CFAP58: variants seen among roughly 807,000 people sequenced by gnomAD.
CFAP58 encodes the protein cilia and flagella associated protein 58.
Under a neutral mutation model 119.5 loss-of-function variants are expected in CFAP58, and 88 were observed. That is an observed-to-expected ratio of 0.74 (90% CI 0.62 to 0.88). CFAP58 has a LOEUF of 0.88. Ranked by LOEUF, CFAP58 falls within the 40% of genes least tolerant of loss-of-function variation. The pLI is 0.00. For synonymous variants in CFAP58, 365 were observed against 366.3 expected (o/e 1.00, Z 0.04); for missense variants, 990 against 1,021.2 (o/e 0.97, Z 0.42).
intron 15 of CFAP58, among the ~76,000 whole-genome samples, chr10:104,422,533 G>T (rs1403147603): frequency 6.6e-6 from 1 of 152,160 alleles, no homozygotes; most frequent in African/African-American, 2.4e-5. Context: ...TTTCTGTTGG[G>T]TTCTCCTGGG....
At chr10:104,427,394 T>C (rs772006066) in intron 15 of CFAP58, among the ~76,000 whole-genome samples, 2 of 152,204 alleles carry the variant, frequency 1.3e-5, no homozygotes, top group Non-Finnish European at 2.9e-5. Context: ...GGCAAAAATA[T>C]CACAGAATAA....
chr10:104,358,565 C>G lies in CFAP58; in HGVS notation c.234C>G (p.Val78=). ...NAEIVVNSAK[V]ATALKLSQDD... is the part of the protein sequence containing the mutation. Reference sequence around the variant, plus strand: ...AGATTGTAGTGAATTCTGCGAAGGTCGCCACTGCCCTTAAGCTCTCTCAGG... The same window carrying G: ...AGATTGTAGTGAATTCTGCGAAGGTGGCCACTGCCCTTAAGCTCTCTCAGG... The change falls in exon 2 of 18, where the codon GTC becomes GTG. Residue 78 remains valine, a synonymous_variant. Coordinates refer to ENST00000369704, the MANE Select transcript of CFAP58 (RefSeq NM_001008723.2). 6.2e-7 allele frequency: 1 copy of G among 1,614,056 alleles called. No individual in the cohort carries two copies. Among genetic ancestry groups the G allele is most frequent in the Non-Finnish European group, 8.5e-7 (1 of 1,179,990 alleles).
At chr10:104,418,309 G>T (rs1360476637) in intron 15 of CFAP58, among the ~76,000 whole-genome samples, 1 of 152,240 alleles carries the variant, frequency 6.6e-6, no homozygotes, top group African/African-American at 2.4e-5. Flanking sequence ...AGCACTTTGG[G>T]AGGCCGAGGC....
intron 9 of CFAP58, among the ~76,000 whole-genome samples, chr10:104,389,096 A>G (rs2011983157): frequency 6.6e-6 from 1 of 152,186 alleles, no homozygotes; most frequent in Non-Finnish European, 1.5e-5. Flanking sequence ...TTTGGCTACT[A>G]CTTAACACCC....
At chr10:104,416,238 A>G (rs777394277) in intron 15 of CFAP58, among the ~76,000 whole-genome samples, 2 of 152,178 alleles carry the variant, frequency 1.3e-5, no homozygotes, top group Non-Finnish European at 2.9e-5. Context: ...ACACTACCTA[A>G]TGAACAGTGA....
In CFAP58 at chr10:104,402,360, G is replaced by A. The variant is rs562123185; in HGVS notation, c.2040-1369G>A. ...TAATTCTAAGCAGCTTGCTCTGAGC[G>A]CCCTGTTGAGTGAACATCATGCAGT... On this transcript the variant is annotated intron_variant, in intron 13 of 17. Transcript: ENST00000369704. Among the ~76,000 whole-genome samples the A allele has an allele frequency of 5.9e-5, 9 of 152,316 alleles. No individual in the cohort carries two copies. The East Asian group carries it at 1.2e-3, about 20-fold the overall frequency.
the CFAP58 span, among the ~76,000 whole-genome samples, chr10:104,348,686 G>T: frequency 6.6e-6 from 1 of 152,106 alleles, no homozygotes; most frequent in Non-Finnish European, 1.5e-5. Context: ...TCTTGCCTTG[G>T]TTTCTGCCCA....
rs748236137 is a variant in CFAP58 at position 104,454,412 on chromosome 10, T to A, written c.2511-10T>A. ...GTTAAGGAAGCTAACTTTCACCTCC[T>A]CTCTTACAGAAACAAGGACACAGCA... On this transcript the variant is annotated splice_polypyrimidine_tract_variant and intron_variant, in intron 17 of 17. Transcript: ENST00000369704. 12 of 1,605,632 alleles carry A rather than the reference T, an allele frequency of 7.5e-6. No homozygotes were observed. Among genetic ancestry groups the A allele is most frequent in the Non-Finnish European group, 1.0e-5 (12 of 1,172,518 alleles).
At chr10:104,372,126 G>A (rs1283203333) in intron 7 of CFAP58, among the ~76,000 whole-genome samples, 1 of 152,126 alleles carries the variant, frequency 6.6e-6, no homozygotes, top group African/African-American at 2.4e-5. Flanking sequence ...GCCAAGGCAG[G>A]CGGATCACCT....
intron 6 of CFAP58, among the ~76,000 whole-genome samples, chr10:104,369,199 G>A (rs958215447): frequency 2.0e-5 from 3 of 152,188 alleles, no homozygotes; most frequent in African/African-American, 7.2e-5. Flanking sequence ...CTCTGGTTAT[G>A]TTAGAATACT....
intron 3 of CFAP58, 50 bp from the exon 4 acceptor site, chr10:104,364,683 C>G: frequency 6.4e-7 from 1 of 1,574,510 alleles, no homozygotes; most frequent in Non-Finnish European, 8.7e-7. Flanking sequence ...ATATGAAGGA[C>G]CCCTGAGCAG....
chr10:104,366,316 C>T lies in CFAP58; in HGVS notation c.792+308C>T, dbSNP rs116385616. Among the ~76,000 whole-genome samples the T allele has an allele frequency of 1.9e-3, 286 of 152,248 alleles. 4 individuals are homozygous for T. The highest frequency in any genetic ancestry group is 6.6e-3 in the African/African-American group (273 of 41,554). On this transcript the variant is annotated intron_variant, in intron 5 of 17. Coordinates refer to ENST00000369704, the MANE Select transcript of CFAP58 (RefSeq NM_001008723.2). The stretch of plus-strand genomic sequence containing the variant: ...GACAGCTTGATGAATTTTCACCACT[C>T]AACCGCATCTTGGTCACCTGCTCCC...
chr10:104,401,637 G>A (rs2012266932), intron 13 of CFAP58, among the ~76,000 whole-genome samples: 1 of 152,206 alleles, frequency 6.6e-6, no homozygotes, highest in Admixed American at 6.5e-5. Context: ...TTGGAATAAG[G>A]ACATGGTTTG....
chr10:104,393,522 G>A lies in CFAP58; in HGVS notation c.1674+47G>A, dbSNP rs191845175. ...CAAAGTACCAACAGTTCATCAGCCC[G>A]CTCAGGCGGCCTCCAGTCTCACTGA... On this transcript the variant is annotated intron_variant, in intron 11 of 17. Transcript: ENST00000369704. The A allele has an allele frequency of 2.0e-4, 316 of 1,553,360 alleles. No individual in the cohort carries two copies. In the East Asian group the frequency reaches 5.5e-3, roughly 27 times the overall value.
chr10:104,396,549 A>C (rs531104958), intron 11 of CFAP58, among the ~76,000 whole-genome samples: 52 of 152,208 alleles, frequency 3.4e-4, no homozygotes, highest in Non-Finnish European at 6.6e-4. Context: ...GATGATTTCT[A>C]TGAAACTCGT....
chr10:104,362,889 G>A (rs1046047451), intron 3 of CFAP58, among the ~76,000 whole-genome samples: 1 of 152,162 alleles, frequency 6.6e-6, no homozygotes. Context: ...AGAGCCCTTT[G>A]AGAACCTGCC....
At chr10:104,411,012 G>A (rs912983726) in intron 15 of CFAP58, among the ~76,000 whole-genome samples, 8 of 151,834 alleles carry the variant, frequency 5.3e-5, no homozygotes, top group Non-Finnish European at 1.0e-4. Context: ...CAATCTTGGC[G>A]CACTGCAACC....
chr10:104,341,409 A>G, the CFAP58 span, among the ~76,000 whole-genome samples: 1 of 151,886 alleles, frequency 6.6e-6, no homozygotes, highest in South Asian at 2.1e-4. Flanking sequence ...ACAATTTGAA[A>G]AAGAGTATCA....
intron 13 of CFAP58, among the ~76,000 whole-genome samples, chr10:104,401,280 A>G (rs1371771996): frequency 6.6e-6 from 1 of 152,226 alleles, no homozygotes; most frequent in Non-Finnish European, 1.5e-5. Context: ...GAGCATCAAT[A>G]TTGAAATTTA....
Sources: allele counts gnomAD v4.1 joint callset (sites outside exome capture counted in the v4.1 genomes callset), GRCh38; gene constraint gnomAD v4.1.1; transcripts MANE v1.5; gene names NCBI Gene and HGNC (gene_info 2026-07-23, HGNC 2026-07-21).